PIK3R6: variants seen among roughly 807,000 people sequenced by gnomAD.
PIK3R6 encodes phosphoinositide-3-kinase regulatory subunit 6.
A neutral mutation model predicts 84.9 loss-of-function variants in PIK3R6; 91 were observed. The observed-to-expected ratio is 1.07, with a 90% CI of 0.90 to 1.28. The LOEUF is 1.28. Ranked by LOEUF, PIK3R6 falls within the 50% of genes most tolerant of loss-of-function variation. The pLI, the probability that PIK3R6 is intolerant of heterozygous loss-of-function variation, is 0.00. For missense variants in PIK3R6, 996 were observed against 985.1 expected (o/e 1.01, Z -0.15); for synonymous variants, 416 against 411.4 (o/e 1.01, Z -0.13).
intron 15 of PIK3R6, 99 bp from the exon 16 acceptor site, chr17:8,822,756 C>G: frequency 7.9e-7 from 1 of 1,267,382 alleles, no homozygotes; most frequent in Non-Finnish European, 1.1e-6. Context: ...GCTGGGTTTA[C>G]CCATCCATCC....
chr17:8,848,080 C>T (rs1567606946), intron 2 of PIK3R6, among the ~76,000 whole-genome samples: 1 of 152,132 alleles, frequency 6.6e-6, no homozygotes, highest in Non-Finnish European at 1.5e-5. Flanking sequence ...CAGCCTTTTT[C>T]AGAGAATGGC....
At chr17:8,822,189 C>A (rs1002388283) in intron 16 of PIK3R6, among the ~76,000 whole-genome samples, 1 of 151,886 alleles carries the variant, frequency 6.6e-6, no homozygotes, top group Non-Finnish European at 1.5e-5. Flanking sequence ...GGTGCCAGAC[C>A]CGGTTTTGTC....
At position 8,839,395 on chromosome 17, in the gene PIK3R6, A is replaced by C. The variant is rs147850137; in HGVS notation, c.97+219T>G. 1.1e-3 allele frequency among the ~76,000 whole-genome samples: 166 copies of C among 152,168 alleles called. No homozygotes were observed. Among genetic ancestry groups the C allele is most frequent in the Middle Eastern group, 3.4e-3 (1 of 294 alleles). On this transcript the variant is annotated intron_variant, in intron 3 of 19. Transcript: ENST00000619866. The surrounding 1 kb of genome is among the most constrained non-coding windows in gnomAD (Gnocchi z 4.2). ...GAAAGAAAAAGGGTGGCAGATCCCCAATGTGCTCTGTGGCAGTTGCTGGGA... is the reference window on the plus strand; with the variant it reads ...GAAAGAAAAAGGGTGGCAGATCCCCCATGTGCTCTGTGGCAGTTGCTGGGA...
chr17:8,864,686 C>T (rs545014812), intron 1 of PIK3R6, among the ~76,000 whole-genome samples: 18 of 151,732 alleles, frequency 1.2e-4, no homozygotes, highest in Non-Finnish European at 2.2e-4. Flanking sequence ...CACAGGCGCC[C>T]GCCACCACGC....
intron 18 of PIK3R6, among the ~76,000 whole-genome samples, chr17:8,815,808 A>G (rs562688517): frequency 6.6e-6 from 1 of 152,308 alleles, no homozygotes; most frequent in South Asian, 2.1e-4. Context: ...CACAGAAAAA[A>G]GCCCGTCTGC....
At chr17:8,825,759 A>T (rs1235244254) in intron 13 of PIK3R6, among the ~76,000 whole-genome samples, 2 of 152,226 alleles carry the variant, frequency 1.3e-5, no homozygotes. Flanking sequence ...ATCAGTGAAC[A>T]TTTATTTAAG....
chr17:8,855,632 T>C (rs1313044256), intron 1 of PIK3R6, among the ~76,000 whole-genome samples: 3 of 152,220 alleles, frequency 2.0e-5, no homozygotes, highest in African/African-American at 7.2e-5. Flanking sequence ...CTGGGATACA[T>C]GTGCAGAACG....
rs373060073 is a variant in PIK3R6 at position 8,828,226 on chromosome 17, C to T, written c.1314-36G>A. On this transcript the variant is annotated intron_variant, in intron 11 of 19. Coordinates refer to ENST00000619866, the MANE Select transcript of PIK3R6 (RefSeq NM_001010855.4). Reference sequence around the variant, plus strand: ...GCAGCAAAGCAGAGGAGGTTAGGGGCGGGGCTTGGCTTCAAACAGACTCGG... The same window carrying T: ...GCAGCAAAGCAGAGGAGGTTAGGGGTGGGGCTTGGCTTCAAACAGACTCGG... 79 of 1,597,616 alleles carry T rather than the reference C, an allele frequency of 4.9e-5. No homozygotes were observed. The African/African-American group carries it at 5.2e-4, about 11-fold the overall frequency.
rs558907501 is a variant in PIK3R6, at chr17:8,862,162, G to T, written c.-92+5367C>A. On this transcript the variant is annotated intron_variant, in intron 1 of 19. Coordinates refer to ENST00000619866, the MANE Select transcript of PIK3R6 (RefSeq NM_001010855.4). This position sits in a 1 kb window ranked among gnomAD's most constrained non-coding sequence, Gnocchi z 4.3. ...GGGTCTTGGAGTGTGTCCCCTGCAG[G>T]TAAGGGGACTACGCTATTGCATTTG... Among the ~76,000 whole-genome samples, 11 of 152,270 alleles carry T rather than the reference G, an allele frequency of 7.2e-5. No individual in the cohort carries two copies. The highest frequency in any genetic ancestry group is 1.3e-4 in the Admixed American group (2 of 15,302).
intron 2 of PIK3R6, among the ~76,000 whole-genome samples, chr17:8,845,047 A>ACACATTT (rs1259701657): frequency 6.6e-6 from 1 of 152,154 alleles, no homozygotes; most frequent in Admixed American, 6.6e-5. Flanking sequence ...TGTATATGTA[A>ACACATTT]CACATTTTCT....
In PIK3R6 at chr17:8,828,868, T is replaced by C. The variant is rs1486814544; in HGVS notation, c.1012A>G (p.Thr338Ala). ...RELARVSVLS[T>A]DSGIERDLPT... ...AGGTCCCGCTCAATGCCGCTGTCAG[T>C]GGACAGCACAGAAACCCGGGCCAAC... Residue 338 changes from threonine (T) to alanine (A), a missense_variant, in exon 11 of 20, where the codon ACT (threonine) becomes GCT (alanine). Coordinates refer to ENST00000619866, the MANE Select transcript of PIK3R6 (RefSeq NM_001010855.4). The C allele has an allele frequency of 1.9e-6, 3 of 1,589,894 alleles. No homozygotes were observed. Among genetic ancestry groups the C allele is most frequent in the Non-Finnish European group, 2.6e-6 (3 of 1,167,548 alleles).
chr17:8,803,608 T>C lies in PIK3R6; in HGVS notation c.2109-179A>G, dbSNP rs936610682. The C allele has an allele frequency of 8.0e-6, 5 of 628,178 alleles. No homozygotes were observed. Among genetic ancestry groups the C allele is most frequent in the Non-Finnish European group, 1.3e-5 (5 of 378,072 alleles). The allele number at this position is 628,178 out of a possible 1,614,324, so 38.9% of individuals were successfully genotyped here. On this transcript the variant is annotated intron_variant, in intron 19 of 19. Transcript: ENST00000619866. This position sits in a 1 kb window ranked among gnomAD's most constrained non-coding sequence, Gnocchi z 5.0. ...AAGAAAGAAAAACCTGGGCCTGGGG[T>C]TCACCGGGAGAGGAGACACTTGGAG... is the stretch of plus-strand genomic sequence containing the variant.
intron 1 of PIK3R6, among the ~76,000 whole-genome samples, chr17:8,859,126 T>G (rs1040164539): frequency 6.6e-6 from 1 of 152,242 alleles, no homozygotes; most frequent in African/African-American, 2.4e-5. Flanking sequence ...TCCATGGACT[T>G]GCAACTTCTA....
chr17:8,832,879 A>G lies in PIK3R6; in HGVS notation c.802+10T>C, dbSNP rs757626794. ...CTCTTGCCAAGGCCCCCCATCTGCC[A>G]GTCGCTTACCACCGCAGCGCCCCGC... On this transcript the variant is annotated intron_variant, in intron 9 of 19. Coordinates refer to ENST00000619866, the MANE Select transcript of PIK3R6 (RefSeq NM_001010855.4). The G allele has an allele frequency of 6.2e-7, 1 of 1,612,422 alleles. No homozygotes were observed. The highest frequency in any genetic ancestry group is 1.7e-5 in the Admixed American group (1 of 60,006).
chr17:8,846,456 T>C (rs1327773211), intron 2 of PIK3R6, among the ~76,000 whole-genome samples: 2 of 152,182 alleles, frequency 1.3e-5, no homozygotes, highest in East Asian at 3.8e-4. Context: ...CTTTTTTGGT[T>C]CCATATAAAT....
intron 10 of PIK3R6, among the ~76,000 whole-genome samples, chr17:8,829,398 G>C (rs1597401181): frequency 1.4e-5 from 2 of 139,450 alleles, no homozygotes; most frequent in Admixed American, 1.4e-4. Context: ...ACACACGCAT[G>C]CACACATACA....
At chr17:8,852,937 C>T (rs1373544621) in intron 1 of PIK3R6, among the ~76,000 whole-genome samples, 1 of 151,590 alleles carries the variant, frequency 6.6e-6, no homozygotes, top group Non-Finnish European at 1.5e-5. Context: ...CTAAGCAATT[C>T]GACCTTTAAA....
At chr17:8,847,062 A>G (rs527521548) in intron 2 of PIK3R6, among the ~76,000 whole-genome samples, 14 of 152,322 alleles carry the variant, frequency 9.2e-5, no homozygotes, top group African/African-American at 3.4e-4. Context: ...TAAAGCAGCT[A>G]CTATTCTCTG....
chr17:8,821,237 A>AG (rs2087720872), intron 17 of PIK3R6, among the ~76,000 whole-genome samples: 1 of 152,156 alleles, frequency 6.6e-6, no homozygotes, highest in Non-Finnish European at 1.5e-5. Context: ...CTGGGTTTGA[A>AG]TTCCAGTTCT....
Sources: allele counts gnomAD v4.1 joint callset (sites outside exome capture counted in the v4.1 genomes callset), GRCh38; gene constraint gnomAD v4.1.1; non-coding constraint Gnocchi (gnomAD v3.1); transcripts MANE v1.5; gene names NCBI Gene and HGNC (gene_info 2026-07-23, HGNC 2026-07-21).